The following RIMKLB variants were observed in gnomAD, a reference collection of about 807,000 sequenced individuals.
RIMKLB encodes ribosomal modification protein rimK like family member B, also known as beta-citrylglutamate synthase B.
RIMKLB carries 7 observed loss-of-function variants against 32.0 expected under a neutral mutation model. That is an observed-to-expected ratio of 0.22 (90% CI 0.12 to 0.41). RIMKLB has a LOEUF of 0.41. Ranked by LOEUF, RIMKLB falls within the 10% of genes least tolerant of loss-of-function variation. The pLI is 1.00. For synonymous variants in RIMKLB, 172 were observed against 185.1 expected, an observed-to-expected ratio of 0.93 and a Z score of 0.57; for missense variants, 289 against 498.7, an observed-to-expected ratio of 0.58 and a Z score of 4.00.
chr12:8,693,917 AGCTC>A (rs1459270999), upstream of RIMKLB, among the ~76,000 whole-genome samples: 8 of 152,068 alleles, frequency 5.3e-5, no homozygotes, highest in Non-Finnish European at 1.2e-4. Flanking sequence ...AGTTTTTGGG[AGCTC>A]TCCTGTTGAT....
chr12:8,760,529 A>T (rs751911065), intron 5 of RIMKLB, among the ~76,000 whole-genome samples: 74 of 152,362 alleles, frequency 4.9e-4, no homozygotes, highest in African/African-American at 1.7e-3. Context: ...ACTGTCTTCC[A>T]CAATGGTTGA....
In RIMKLB at chr12:8,751,937, T is replaced by G; in HGVS notation, c.407-20T>G. Reference sequence around the variant, plus strand: ...ACTTCTGCTGCTGTTTGTCTTAAATTTTTGTATTGCTCAAACCAGGTGGCC... The same window carrying G: ...ACTTCTGCTGCTGTTTGTCTTAAATGTTTGTATTGCTCAAACCAGGTGGCC... On this transcript the variant is annotated intron_variant, in intron 3 of 5. Coordinates refer to ENST00000535829, the MANE Select transcript of RIMKLB (RefSeq NM_001297776.2). The G allele has an allele frequency of 6.5e-7, 1 of 1,535,914 alleles. No individual in the cohort carries two copies. The highest frequency in any genetic ancestry group is 9.0e-7 in the Non-Finnish European group (1 of 1,110,768).
At chr12:8,714,666 G>C (rs1457691970) in intron 2 of RIMKLB, among the ~76,000 whole-genome samples, 2 of 151,970 alleles carry the variant, frequency 1.3e-5, no homozygotes, top group Non-Finnish European at 2.9e-5. Context: ...GGATTGTAGG[G>C]GAAGATATCC....
At chr12:8,769,671 T>C (rs951909543) in intron 5 of RIMKLB, among the ~76,000 whole-genome samples, 1 of 152,192 alleles carries the variant, frequency 6.6e-6, no homozygotes, top group African/African-American at 2.4e-5. Context: ...AACCAGGGTT[T>C]TGCATTCCAT....
intron 2 of RIMKLB, among the ~76,000 whole-genome samples, chr12:8,722,667 T>C (rs1285090288): frequency 6.6e-6 from 1 of 152,238 alleles, no homozygotes; most frequent in East Asian, 1.9e-4. Flanking sequence ...GGGCATCTTC[T>C]TCCAGCAAAA....
downstream of RIMKLB, chr12:8,777,373 A>G: frequency 1.0e-6 from 1 of 984,394 alleles, no homozygotes; most frequent in Non-Finnish European, 1.2e-6. Flanking sequence ...TTAATTTGAA[A>G]TGTTTTTAGT....
chr12:8,725,057 CTG>C (rs1334844892), intron 2 of RIMKLB, among the ~76,000 whole-genome samples: 5 of 152,194 alleles, frequency 3.3e-5, no homozygotes, highest in African/African-American at 1.2e-4. Flanking sequence ...GTTGTTTAAA[CTG>C]TTGTTTCTGT....
Position 8,706,137 on chromosome 12 carries a change from T to C in RIMKLB, c.-56-7674T>C, listed in dbSNP as rs181270496. ...ATTTCTGTGAATAAAAATACATTCT[T>C]TGTTTTGTTTTTTGTTTTTGAGGCG... On this transcript the variant is annotated intron_variant, in intron 1 of 5. Transcript: ENST00000535829. 3.0e-3 allele frequency among the ~76,000 whole-genome samples: 464 copies of C among 152,160 alleles called. 4 individuals carry two copies. Among genetic ancestry groups the C allele is most frequent in the African/African-American group, 0.011 (437 of 41,538 alleles).
At chr12:8,743,905 A>C (rs1363161477) in intron 2 of RIMKLB, among the ~76,000 whole-genome samples, 2 of 151,984 alleles carry the variant, frequency 1.3e-5, no homozygotes, top group Non-Finnish European at 2.9e-5. Context: ...CTAGATGAAA[A>C]ATTTTATAAG....
chr12:8,723,804 CTTTTTTTT>C lies in RIMKLB; in HGVS notation c.175+9780_175+9787del, dbSNP rs35269536. Among the ~76,000 whole-genome samples the C allele has an allele frequency of 4.2e-4, 32 of 75,520 alleles. 1 individual carries two copies. The highest frequency in any genetic ancestry group is 6.9e-4 in the African/African-American group (13 of 18,884). The allele number at this position is 75,520 out of a possible 152,430, so 49.5% of individuals were successfully genotyped here. A position where few individuals can be genotyped will look rare whatever the true frequency, so the allele number is the denominator to read the frequency against. On this transcript the variant is annotated intron_variant, in intron 2 of 5. Coordinates refer to ENST00000535829, the MANE Select transcript of RIMKLB (RefSeq NM_001297776.2). Reference sequence around the variant, plus strand: ...ATTCTCATAGGCTTTCTTCAGTTCCCTTTTTTTTTTTTTTTTTTTTTTTTGGAGACAGA... The same window carrying C: ...ATTCTCATAGGCTTTCTTCAGTTCCCTTTTTTTTTTTTTTTTGGAGACAGA...
the RIMKLB span, among the ~76,000 whole-genome samples, chr12:8,670,454 T>G: frequency 1.3e-5 from 2 of 152,320 alleles, no homozygotes; most frequent in East Asian, 3.9e-4. Context: ...CAAAATCCAG[T>G]GGAGCAGTCA....
rs1388747041 is a variant in RIMKLB at position 8,776,116 on chromosome 12, T to C, written c.*2332T>C. 4.1e-6 allele frequency: 4 copies of C among 984,960 alleles called. No individual in the cohort carries two copies. The highest frequency in any genetic ancestry group is 4.8e-6 in the Non-Finnish European group (4 of 829,590). The allele number at this position is 984,960 out of a possible 1,614,324, so 61.0% of individuals were successfully genotyped here. On this transcript the variant is annotated 3_prime_UTR_variant, in exon 6 of 6. Coordinates refer to ENST00000535829, the MANE Select transcript of RIMKLB (RefSeq NM_001297776.2). ...TAGTTACATATCACAAGTATGTAGT[T>C]CATGTTTGTGTTGGTGGGGTAAGGC...
chr12:8,711,748 C>T (rs578250150), intron 1 of RIMKLB, among the ~76,000 whole-genome samples: 4 of 151,790 alleles, frequency 2.6e-5, no homozygotes, highest in South Asian at 2.1e-4. Context: ...GGTATTCTGG[C>T]GTGACTTTTT....
intron 5 of RIMKLB, among the ~76,000 whole-genome samples, chr12:8,772,843 C>T (rs780794311): frequency 1.2e-4 from 19 of 152,342 alleles, no homozygotes; most frequent in Non-Finnish European, 2.5e-4. Flanking sequence ...TATATCCAGC[C>T]AGCTACCTTA....
intron 2 of RIMKLB, among the ~76,000 whole-genome samples, chr12:8,734,753 AG>A (rs1261311279): frequency 6.6e-6 from 1 of 152,164 alleles, no homozygotes; most frequent in Non-Finnish European, 1.5e-5. Flanking sequence ...CACAGGAAGT[AG>A]GAAGGGGTTA....
At chr12:8,782,421 ATATT>A (rs1159382282) in intron 7 of RIMKLB, among the ~76,000 whole-genome samples, 1 of 152,174 alleles carries the variant, frequency 6.6e-6, no homozygotes, top group Non-Finnish European at 1.5e-5. Context: ...ACACATATAT[ATATT>A]TAACATAAGC....
intron 1 of RIMKLB, among the ~76,000 whole-genome samples, chr12:8,712,720 A>T (rs1180189329): frequency 6.6e-6 from 1 of 152,154 alleles, no homozygotes; most frequent in Non-Finnish European, 1.5e-5. Flanking sequence ...TCTGGTTTCA[A>T]ACCGTGTGCA....
At chr12:8,713,754 C>A in intron 1 of RIMKLB, 57 bp from the exon 2 acceptor site, 2 of 1,038,152 alleles carry the variant, frequency 1.9e-6, no homozygotes, top group Non-Finnish European at 3.0e-6. Context: ...GTATGAAATC[C>A]AGAAATCAAG....
At chr12:8,749,147 C>G (rs1025782737) in intron 2 of RIMKLB, among the ~76,000 whole-genome samples, 3 of 152,086 alleles carry the variant, frequency 2.0e-5, no homozygotes, top group African/African-American at 7.2e-5. Flanking sequence ...AAACTTTTCT[C>G]TTCAACCTTT....
Sources: allele counts gnomAD v4.1 joint callset (sites outside exome capture counted in the v4.1 genomes callset), GRCh38; gene constraint gnomAD v4.1.1; transcripts MANE v1.5; gene names NCBI Gene and HGNC (gene_info 2026-07-23, HGNC 2026-07-21).